The following VWDE variants were observed in gnomAD, a reference collection of about 807,000 sequenced individuals.
VWDE encodes von Willebrand factor D and EGF domains.
A neutral mutation model predicts 178.4 loss-of-function variants in VWDE; 207 were observed. The ratio of observed to expected loss-of-function variants is 1.16; its 90% confidence interval spans 1.04 to 1.30. The LOEUF (loss-of-function observed/expected upper bound fraction) is 1.30, where lower values mean the gene tolerates loss of function less well. Among genes scored for constraint, VWDE ranks in the 50% most tolerant of loss-of-function variants. The pLI is 0.00. For missense variants in VWDE, 2,287 were observed against 1,901.3 expected, an observed-to-expected ratio of 1.20 and a Z score of -3.77; for synonymous variants, 738 against 651.4, an observed-to-expected ratio of 1.13 and a Z score of -2.02.
chr7:12,388,839 G>C (rs143392223), intron 3 of VWDE: 1 of 560,034 alleles, frequency 1.8e-6, no homozygotes, highest in African/African-American at 1.9e-5. Context: ...AACAGGAATG[G>C]ACTTGAGGAA....
intron 12 of VWDE, 26 bp from the exon 13 acceptor site, chr7:12,367,519 C>G: frequency 6.9e-7 from 1 of 1,446,540 alleles, no homozygotes. Flanking sequence ...ATAACAAATA[C>G]TACATATTTT....
At chr7:12,371,834 T>A (rs1299020862) in intron 10 of VWDE, among the ~76,000 whole-genome samples, 1 of 152,108 alleles carries the variant, frequency 6.6e-6, no homozygotes, top group Non-Finnish European at 1.5e-5. Flanking sequence ...GAGTTTTAGT[T>A]AAACCTGTTT....
chr7:12,355,245 T>C (rs907818241), intron 18 of VWDE, among the ~76,000 whole-genome samples: 1 of 151,952 alleles, frequency 6.6e-6, no homozygotes, highest in Non-Finnish European at 1.5e-5. Context: ...TGAAACCCCA[T>C]CTCTACTAAA....
chr7:12,402,018 T>C (rs1784920573), intron 1 of VWDE, among the ~76,000 whole-genome samples: 1 of 152,220 alleles, frequency 6.6e-6, no homozygotes. Context: ...GATAATACTG[T>C]GCTAGATGAA....
intron 19 of VWDE, among the ~76,000 whole-genome samples, chr7:12,350,723 T>C (rs1296115148): frequency 6.6e-6 from 1 of 152,124 alleles, no homozygotes; most frequent in Admixed American, 6.6e-5. Context: ...ACACATTACT[T>C]AAGCCTTCTA....
At chr7:12,377,730 A>G (rs959513339) in intron 7 of VWDE, 46 bp downstream of exon 7, 2 of 1,240,914 alleles carry the variant, frequency 1.6e-6, no homozygotes, top group East Asian at 5.6e-5. Flanking sequence ...AAAAAGCATT[A>G]TTGTTTGCAA....
At chr7:12,350,677 ACT>A (rs1409426336) in intron 19 of VWDE, among the ~76,000 whole-genome samples, 1 of 151,792 alleles carries the variant, frequency 6.6e-6, no homozygotes, top group Non-Finnish European at 1.5e-5. Context: ...CTCAGGCTCA[ACT>A]CTCTCTCCTG....
intron 16 of VWDE, 147 bp downstream of exon 16, chr7:12,359,431 C>T: frequency 1.9e-6 from 1 of 539,854 alleles, no homozygotes; most frequent in East Asian, 3.0e-5. Context: ...ATATCCTATA[C>T]CCTCAACGTA....
chr7:12,379,669 T>A lies in VWDE; in HGVS notation c.790-103A>T, dbSNP rs994470755. The A allele has an allele frequency of 4.7e-5, 32 of 677,572 alleles. No homozygotes were observed. The Admixed American group carries it at 8.5e-4, about 18-fold the overall frequency. 42.0% of individuals were successfully genotyped at this position (677,572 alleles called of 1,614,324 possible). On this transcript the variant is annotated intron_variant, in intron 5 of 28. Coordinates refer to ENST00000275358, the MANE Select transcript of VWDE (RefSeq NM_001135924.3). ...TAAATTTAATTCTTCATAGATAGTA[T>A]ATAAAGATAATAAAAGAATTAAATA... is the stretch of plus-strand genomic sequence containing the variant.
intron 27 of VWDE, among the ~76,000 whole-genome samples, chr7:12,334,904 T>C (rs548728612): frequency 2.6e-5 from 4 of 152,294 alleles, no homozygotes; most frequent in African/African-American, 7.2e-5. Context: ...TAAATTCCAA[T>C]TGGAATTATC....
At chr7:12,391,324 T>G (rs1285879976) in intron 2 of VWDE, among the ~76,000 whole-genome samples, 1 of 152,120 alleles carries the variant, frequency 6.6e-6, no homozygotes, top group Non-Finnish European at 1.5e-5. Flanking sequence ...TGTATTAACC[T>G]GTAGAGAAAA....
At chr7:12,376,728 G>A (rs1430676305) in intron 7 of VWDE, among the ~76,000 whole-genome samples, 2 of 152,040 alleles carry the variant, frequency 1.3e-5, no homozygotes, top group Non-Finnish European at 2.9e-5. Context: ...TGTCTAGGCT[G>A]TAATTAAAAA....
At chr7:12,387,523 T>TTA (rs1222940388) in intron 3 of VWDE, among the ~76,000 whole-genome samples, 4 of 152,030 alleles carry the variant, frequency 2.6e-5, no homozygotes, top group Admixed American at 1.3e-4. Flanking sequence ...ATTGGGTATT[T>TTA]TATATATATG....
intron 16 of VWDE, 142 bp downstream of exon 16, chr7:12,359,436 A>C: frequency 1.8e-6 from 1 of 551,034 alleles, no homozygotes; most frequent in Non-Finnish European, 3.3e-6. Flanking sequence ...CTATACCCTC[A>C]ACGTAAATTT....
In VWDE at chr7:12,361,096, A is replaced by G. The variant is rs966510017; in HGVS notation, c.3159+51T>C. 87 of 1,180,108 alleles carry G rather than the reference A, an allele frequency of 7.4e-5. 1 individual carries two copies. Among genetic ancestry groups the G allele is most frequent in the Non-Finnish European group, 1.0e-4 (84 of 833,952 alleles). 73.1% of individuals were successfully genotyped at this position (1,180,108 alleles called of 1,614,324 possible). A position where few individuals can be genotyped will look rare whatever the true frequency, so the allele number is the denominator to read the frequency against. The stretch of plus-strand genomic sequence containing the variant: ...CAATTAATGTGCCCACAGCATAGGA[A>G]ATGAAAATACCTATGATGTAAATGT... On this transcript the variant is annotated intron_variant, in intron 15 of 28. Transcript: ENST00000275358.
At chr7:12,385,531 C>T (rs1562512387) in intron 3 of VWDE, among the ~76,000 whole-genome samples, 2 of 152,154 alleles carry the variant, frequency 1.3e-5, no homozygotes, top group Non-Finnish European at 2.9e-5. Flanking sequence ...AAAACTGGAG[C>T]TTCATCCTGT....
intron 1 of VWDE, among the ~76,000 whole-genome samples, chr7:12,402,869 A>AAGCTG (rs1784973500): frequency 1.3e-5 from 2 of 152,296 alleles, no homozygotes; most frequent in Admixed American, 1.3e-4. Context: ...TAAATGTTGT[A>AAGCTG]CATAATGTTT....
rs570736369 is a variant in VWDE, at chr7:12,403,692, C to A, written c.25G>T (p.Val9Leu). 7 of 1,548,666 alleles carry A rather than the reference C, an allele frequency of 4.5e-6. No homozygotes were observed. The highest frequency in any genetic ancestry group is 6.1e-6 in the Non-Finnish European group (7 of 1,146,198). MPGGACVLVIALMFLAWGE... is the reference protein window; with the variant it reads MPGGACVLLIALMFLAWGE... ...CAGGCCAGGAACATCAGCGCGATCA[C>A]CAGCACGCAGGCTCCGCCAGGCATC... Residue 9 changes from valine to leucine, a missense_variant, in exon 1 of 29, where the codon GTG (valine) becomes TTG (leucine). Physicochemically the swap from Val to Leu is conservative, Grantham distance 32 (BLOSUM62 1). Transcript: ENST00000275358.
Position 12,383,535 on chromosome 7 carries a change from C to T in VWDE, c.541+1G>A, listed in dbSNP as rs763674164. ...TTAAAAAAGCAAAATATGATACTTA[C>T]GAACACAATCACCTCCTGTTTCAGT... On this transcript the variant is annotated splice_donor_variant, in intron 4 of 28. Transcript: ENST00000275358. LOFTEE classifies it high-confidence loss of function. 2.5e-5 allele frequency: 38 copies of T among 1,549,530 alleles called. No homozygotes were observed. The highest frequency in any genetic ancestry group is 2.2e-4 in the East Asian group (9 of 40,834).
Sources: gnomAD v4.1 joint callset for allele counts (sites outside exome capture counted in the v4.1 genomes callset) on GRCh38, gnomAD v4.1.1 for gene constraint, MANE v1.5 for transcripts, NCBI Gene and HGNC (gene_info 2026-07-23, HGNC 2026-07-21) for gene names.